RABGAP1L: variants seen among roughly 807,000 people sequenced by gnomAD.
RABGAP1L encodes the protein RAB GTPase activating protein 1 like, also known as rab GTPase-activating protein 1-like.
Under a neutral mutation model 137.7 loss-of-function variants are expected in RABGAP1L, and 63 were observed. The ratio of observed to expected loss-of-function variants is 0.46; its 90% CI spans 0.37 to 0.56. The LOEUF is 0.56. Among genes scored for constraint, RABGAP1L ranks in the 20% least tolerant of loss-of-function variants. The pLI is 0.00. For synonymous variants in RABGAP1L, 431 were observed against 433.7 expected (o/e 0.99, Z 0.08); for missense variants, 1,095 against 1,244.0 (o/e 0.88, Z 1.80).
chr1:174,674,932 G>A (rs1677494067), intron 14 of RABGAP1L, among the ~76,000 whole-genome samples: 2 of 152,160 alleles, frequency 1.3e-5, no homozygotes, highest in Non-Finnish European at 2.9e-5. Flanking sequence ...TTTTGATGGG[G>A]TTGTTTGTTT....
At chr1:174,915,388 T>C (rs1235793583) in intron 19 of RABGAP1L, among the ~76,000 whole-genome samples, 1 of 152,196 alleles carries the variant, frequency 6.6e-6, no homozygotes, top group Non-Finnish European at 1.5e-5. Flanking sequence ...TTATATTTTC[T>C]AATGGTGTTG....
At chr1:174,525,135 T>C (rs920765534) in intron 13 of RABGAP1L, among the ~76,000 whole-genome samples, 1 of 152,160 alleles carries the variant, frequency 6.6e-6, no homozygotes, top group East Asian at 1.9e-4. Flanking sequence ...GGCTCTTTTT[T>C]GGTTCCATAA....
chr1:174,569,720 T>C (rs1667843169), intron 13 of RABGAP1L, among the ~76,000 whole-genome samples: 1 of 152,236 alleles, frequency 6.6e-6, no homozygotes, highest in Non-Finnish European at 1.5e-5. Flanking sequence ...TAGGCCCATG[T>C]CCAGAGATGG....
At chr1:174,443,912 T>C (rs891167799) in intron 13 of RABGAP1L, among the ~76,000 whole-genome samples, 9 of 152,026 alleles carry the variant, frequency 5.9e-5, no homozygotes, top group Non-Finnish European at 8.8e-5. Context: ...ATCCAGTTTT[T>C]CCAGCAGCAT....
At chr1:174,945,169 A>G (rs1475477309) in intron 19 of RABGAP1L, among the ~76,000 whole-genome samples, 3 of 152,178 alleles carry the variant, frequency 2.0e-5, no homozygotes, top group East Asian at 1.9e-4. Context: ...CTGTGGTCCA[A>G]TTTTGGAACT....
At chr1:174,677,971 G>C (rs1289835448) in intron 14 of RABGAP1L, among the ~76,000 whole-genome samples, 2 of 152,074 alleles carry the variant, frequency 1.3e-5, no homozygotes, top group East Asian at 3.9e-4. Context: ...CCAAAAGCCA[G>C]ATCTTTGAAA....
chr1:174,265,933 A>G (rs761411436), intron 7 of RABGAP1L, among the ~76,000 whole-genome samples: 1 of 152,030 alleles, frequency 6.6e-6, no homozygotes, highest in African/African-American at 2.4e-5. Flanking sequence ...GATTTTTCCT[A>G]GTGTTCTAGG....
chr1:174,347,804 G>T (rs1338014937), intron 11 of RABGAP1L, among the ~76,000 whole-genome samples: 1 of 152,216 alleles, frequency 6.6e-6, no homozygotes, highest in South Asian at 2.1e-4. Flanking sequence ...CTTGAAATCT[G>T]TTTTGTCTAA....
At chr1:174,681,398 C>G (rs1353248415) in intron 14 of RABGAP1L, among the ~76,000 whole-genome samples, 1 of 152,178 alleles carries the variant, frequency 6.6e-6, no homozygotes, top group Non-Finnish European at 1.5e-5. Flanking sequence ...CACACAACAA[C>G]ATGAAAGAAT....
chr1:174,619,438 C>A (rs1350568386), intron 13 of RABGAP1L, among the ~76,000 whole-genome samples: 3 of 152,214 alleles, frequency 2.0e-5, no homozygotes, highest in East Asian at 1.9e-4. Flanking sequence ...AACAGCAGAT[C>A]TCTCGGCAGA....
At chr1:174,206,980 ATATT>A (rs964291762) in intron 1 of RABGAP1L, among the ~76,000 whole-genome samples, 1 of 152,154 alleles carries the variant, frequency 6.6e-6, no homozygotes, top group Non-Finnish European at 1.5e-5. Flanking sequence ...TTTAATCTAA[ATATT>A]TATTGAGCTC....
intron 19 of RABGAP1L, among the ~76,000 whole-genome samples, chr1:174,867,385 A>G (rs886591853): frequency 1.3e-5 from 2 of 152,096 alleles, no homozygotes; most frequent in Non-Finnish European, 2.9e-5. Flanking sequence ...TGGATGCAAT[A>G]TAAGTTTTCA....
intron 19 of RABGAP1L, among the ~76,000 whole-genome samples, chr1:174,950,349 C>T (rs922830648): frequency 5.3e-5 from 8 of 152,098 alleles, no homozygotes; most frequent in African/African-American, 1.9e-4. Flanking sequence ...ACACATGGGG[C>T]AAAATATCAT....
At chr1:174,306,270 G>A (rs1436180532) in intron 11 of RABGAP1L, among the ~76,000 whole-genome samples, 2 of 152,284 alleles carry the variant, frequency 1.3e-5, no homozygotes, top group Middle Eastern at 3.4e-3. Context: ...AATCCTTTGG[G>A]TATATACCCA....
chr1:174,764,116 T>C (rs1685478701), intron 18 of RABGAP1L, among the ~76,000 whole-genome samples: 1 of 152,234 alleles, frequency 6.6e-6, no homozygotes, highest in Admixed American at 6.5e-5. Context: ...TCAACGTTTA[T>C]CCATGTCGTA....
rs1212772375 is a variant in RABGAP1L, at chr1:174,448,087, G to T, written c.1710+53942G>T. The T allele has an allele frequency of 6.3e-7, 1 of 1,591,454 alleles. No individual in the cohort carries two copies. The highest frequency in any genetic ancestry group is 1.7e-5 in the Admixed American group (1 of 58,874). On this transcript the variant is annotated intron_variant, in intron 13 of 25. Transcript: ENST00000681986. This position sits in a 1 kb window ranked among gnomAD's most constrained non-coding sequence, Gnocchi z 4.2. ...GCATCTGCTTGCTGTAGCCAAGTCT[G>T]CAGGTGTCTTTAAATTTCCAAGCCA...
chr1:174,558,476 C>A (rs1667016512), intron 13 of RABGAP1L, among the ~76,000 whole-genome samples: 1 of 152,172 alleles, frequency 6.6e-6, no homozygotes, highest in Admixed American at 6.5e-5. Flanking sequence ...GACAAATATT[C>A]TTTCTGTGTC....
intron 22 of RABGAP1L, among the ~76,000 whole-genome samples, chr1:174,977,281 A>G (rs1670728522): frequency 1.3e-5 from 2 of 152,152 alleles, no homozygotes; most frequent in Admixed American, 6.5e-5. Flanking sequence ...CCCAGGATAT[A>G]TATTTCTTAC....
chr1:174,539,095 T>C (rs950746719), intron 13 of RABGAP1L, among the ~76,000 whole-genome samples: 3 of 152,052 alleles, frequency 2.0e-5, no homozygotes, highest in Admixed American at 2.0e-4. Flanking sequence ...GAGCTCCTAT[T>C]TACAGTATAG....
Sources: gnomAD v4.1 joint callset for allele counts (sites outside exome capture counted in the v4.1 genomes callset) on GRCh38, gnomAD v4.1.1 for gene constraint, Gnocchi (gnomAD v3.1) non-coding constraint, MANE v1.5 for transcripts, NCBI Gene and HGNC (gene_info 2026-07-23, HGNC 2026-07-21) for gene names.